The following TAC1 variants were observed in gnomAD, a reference collection of about 807,000 sequenced individuals.
TAC1 encodes the protein protachykinin-1.
A neutral mutation model predicts 21.7 loss-of-function variants in TAC1; 12 were observed. The observed-to-expected ratio is 0.55, with a 90% CI of 0.35 to 0.89. The LOEUF (loss-of-function observed/expected upper bound fraction) is 0.89. Ranked by LOEUF, TAC1 falls within the 40% of genes least tolerant of loss-of-function variation. The pLI is 0.01. For synonymous variants in TAC1, 52 were observed against 52.0 expected, an observed-to-expected ratio of 1.00 and a Z score of 0.00; for missense variants, 128 against 151.4, an observed-to-expected ratio of 0.85 and a Z score of 0.81.
chr7:97,737,045 C>T (rs1457745311), intron 6 of TAC1, among the ~76,000 whole-genome samples: 1 of 151,910 alleles, frequency 6.6e-6, no homozygotes, highest in Non-Finnish European at 1.5e-5. Context: ...TGCAGGTTTC[C>T]TTCTCTTCAA....
intron 5 of TAC1, among the ~76,000 whole-genome samples, chr7:97,735,126 G>A (rs1042543954): frequency 6.6e-6 from 1 of 152,080 alleles, no homozygotes; most frequent in African/African-American, 2.4e-5. Flanking sequence ...CCTAGGATTA[G>A]AAATCTACCA....
chr7:97,737,394 T>A (rs1789599629), intron 6 of TAC1, among the ~76,000 whole-genome samples: 2 of 151,964 alleles, frequency 1.3e-5, no homozygotes, highest in African/African-American at 4.8e-5. Context: ...AAAATAATTA[T>A]CCTAGTGTTT....
chr7:97,738,218 A>C (rs1218368916), intron 6 of TAC1, among the ~76,000 whole-genome samples: 1 of 151,972 alleles, frequency 6.6e-6, no homozygotes, highest in African/African-American at 2.4e-5. Flanking sequence ...CTTAATCTAT[A>C]GCCCTCTGAT....
intron 6 of TAC1, among the ~76,000 whole-genome samples, chr7:97,738,605 G>A (rs1336314162): frequency 1.3e-5 from 2 of 151,358 alleles, no homozygotes; most frequent in Non-Finnish European, 3.0e-5. Context: ...TGCCTCACAA[G>A]TGCATACTTA....
At position 97,732,816 on chromosome 7, in the gene TAC1, T is replaced by C. The variant is rs1476843023; in HGVS notation, c.123+81T>C. On this transcript the variant is annotated intron_variant, in intron 2 of 6. Coordinates refer to ENST00000319273, the MANE Select transcript of TAC1 (RefSeq NM_003182.3). The surrounding 1 kb of genome is among the most constrained non-coding windows in gnomAD (Gnocchi z 6.2). ...ACCTTCCCACGCAACAGCACCCTAG[T>C]TAACGTGGCACGCACCGCCACCACG... 6.6e-7 allele frequency: 1 copy of C among 1,519,482 alleles called. No homozygotes were observed. The highest frequency in any genetic ancestry group is 1.4e-5 in the African/African-American group (1 of 72,434). The allele number at this position is 1,519,482 out of a possible 1,614,324, so 94.1% of individuals were successfully genotyped here. A position where few individuals can be genotyped will look rare whatever the true frequency, so the allele number is the denominator to read the frequency against.
intron 6 of TAC1, among the ~76,000 whole-genome samples, chr7:97,738,882 C>T (rs1789634593): frequency 1.3e-5 from 2 of 151,756 alleles, no homozygotes; most frequent in Admixed American, 6.6e-5. Flanking sequence ...CTATACCATA[C>T]GTCTAAGTCT....
In TAC1 at chr7:97,732,708, C is replaced by A. The variant is rs754009148; in HGVS notation, c.96C>A (p.Ser32=). The change falls in exon 2 of 7, where the codon TCC becomes TCA. Residue 32 remains serine, a synonymous_variant. Transcript: ENST00000319273. The surrounding 1 kb of genome is among the most constrained non-coding windows in gnomAD (Gnocchi z 6.2). ...IGANDDLNYW[S]DWYDSDQIKE... ...CCAATGATGATCTGAATTACTGGTC[C>A]GACTGGTACGACAGCGACCAGATCA... is the stretch of plus-strand genomic sequence containing the variant. 2 of 1,613,830 alleles carry A rather than the reference C, an allele frequency of 1.2e-6. No homozygotes were observed. The highest frequency in any genetic ancestry group is 3.3e-5 in the Admixed American group (2 of 59,990).
rs1789464872 is a variant in TAC1 at position 97,732,798 on chromosome 7, C to T, written c.123+63C>T. On this transcript the variant is annotated intron_variant, in intron 2 of 6. Coordinates refer to ENST00000319273, the MANE Select transcript of TAC1 (RefSeq NM_003182.3). This position sits in a 1 kb window ranked among gnomAD's most constrained non-coding sequence, Gnocchi z 6.2. ...CTGGGCTCGGGAGCTGTCACCTTCCCACGCAACAGCACCCTAGTTAACGTG... is the reference window on the plus strand; with the variant it reads ...CTGGGCTCGGGAGCTGTCACCTTCCTACGCAACAGCACCCTAGTTAACGTG... 5.7e-6 allele frequency: 9 copies of T among 1,566,928 alleles called. No individual in the cohort carries two copies. Among genetic ancestry groups the T allele is most frequent in the Non-Finnish European group, 7.8e-6 (9 of 1,157,188 alleles).
chr7:97,736,378 T>C (rs1562784971), intron 6 of TAC1, 26 bp downstream of exon 6: 1 of 1,573,512 alleles, frequency 6.4e-7, no homozygotes. Flanking sequence ...TGACTGAAAA[T>C]AGACAGTATC....
intron 6 of TAC1, among the ~76,000 whole-genome samples, chr7:97,739,442 C>T (rs1336082275): frequency 6.6e-6 from 1 of 152,024 alleles, no homozygotes; most frequent in African/African-American, 2.4e-5. Flanking sequence ...AACCTCTTTA[C>T]AAGAACAAAT....
chr7:97,737,391 TTATCCTAG>T (rs1789599424), intron 6 of TAC1, among the ~76,000 whole-genome samples: 1 of 151,964 alleles, frequency 6.6e-6, no homozygotes, highest in Non-Finnish European at 1.5e-5. Flanking sequence ...GGAAAAATAA[TTATCCTAG>T]TGTTTTTTAA....
chr7:97,733,528 G>C (rs1329879938), intron 2 of TAC1, among the ~76,000 whole-genome samples, 195 bp from the exon 3 acceptor site: 2 of 152,142 alleles, frequency 1.3e-5, no homozygotes, highest in Admixed American at 6.5e-5. Context: ...CAGGCTTGCG[G>C]GGGGCGGGAC....
In TAC1 at chr7:97,739,963, G is replaced by A. The variant is rs752481370; in HGVS notation, c.*43G>A. The A allele has an allele frequency of 1.4e-6, 2 of 1,394,888 alleles. No homozygotes were observed. The highest frequency in any genetic ancestry group is 2.9e-5 in the African/African-American group (2 of 69,334). 86.4% of individuals were successfully genotyped at this position (1,394,888 alleles called of 1,614,324 possible). On this transcript the variant is annotated 3_prime_UTR_variant, in exon 7 of 7. Coordinates refer to ENST00000319273, the MANE Select transcript of TAC1 (RefSeq NM_003182.3). Reference sequence around the variant, plus strand: ...TTTATTCAGCTTCATTTGTGTCAATGGGCAATGACAGGTAAATTAAGACAT... The same window carrying A: ...TTTATTCAGCTTCATTTGTGTCAATAGGCAATGACAGGTAAATTAAGACAT...
At position 97,732,890 on chromosome 7, in the gene TAC1, C is replaced by A; in HGVS notation, c.123+155C>A. The A allele has an allele frequency of 9.7e-7, 1 of 1,029,322 alleles. No individual in the cohort carries two copies. The highest frequency in any genetic ancestry group is 1.4e-6 in the Non-Finnish European group (1 of 728,668). The allele number at this position is 1,029,322 out of a possible 1,614,324, so 63.8% of individuals were successfully genotyped here. A position where few individuals can be genotyped will look rare whatever the true frequency, so the allele number is the denominator to read the frequency against. ...AGAGGATGGAAAGGGGCACTATTTC[C>A]CGGGTTCCCCACGGGATTTTGTGCC... On this transcript the variant is annotated intron_variant, in intron 2 of 6. Coordinates refer to ENST00000319273, the MANE Select transcript of TAC1 (RefSeq NM_003182.3). The surrounding 1 kb of genome is among the most constrained non-coding windows in gnomAD (Gnocchi z 6.2).
chr7:97,733,772 G>A lies in TAC1; in HGVS notation c.173G>A (p.Arg58Lys). 1 of 1,614,168 alleles carries A rather than the reference G, an allele frequency of 6.2e-7. No individual in the cohort carries two copies. The highest frequency in any genetic ancestry group is 8.5e-7 in the Non-Finnish European group (1 of 1,180,032). The change falls in exon 3 of 7, where the codon AGA (arginine) becomes AAA (lysine). Residue 58 changes from arginine to lysine, a missense_variant. Arg to Lys is a conservative substitution (Grantham distance 26). Coordinates refer to ENST00000319273, the MANE Select transcript of TAC1 (RefSeq NM_003182.3). ...FEHLLQRIAR[R>K]PKPQQFFGLM... ...CATCTTCTGCAGAGAATCGCCCGGAGACCCAAGCCTCAGCAGTTCTTTGGA... is the reference window on the plus strand; with the variant it reads ...CATCTTCTGCAGAGAATCGCCCGGAAACCCAAGCCTCAGCAGTTCTTTGGA...
chr7:97,734,688 G>T, intron 4 of TAC1, 138 bp from the exon 5 acceptor site: 2 of 678,570 alleles, frequency 2.9e-6, no homozygotes, highest in Non-Finnish European at 5.0e-6. Context: ...AGCATTTATG[G>T]TTCTGCTTTA....
Position 97,732,925 on chromosome 7 carries a change from A to T in TAC1, c.123+190A>T. 3 of 775,572 alleles carry T rather than the reference A, an allele frequency of 3.9e-6. No individual in the cohort carries two copies. 48.0% of individuals were successfully genotyped at this position (775,572 alleles called of 1,614,324 possible). A position where few individuals can be genotyped will look rare whatever the true frequency, so the allele number is the denominator to read the frequency against. On this transcript the variant is annotated intron_variant, in intron 2 of 6. Transcript: ENST00000319273. This position sits in a 1 kb window ranked among gnomAD's most constrained non-coding sequence, Gnocchi z 6.2. ...CACGGGATTTTGTGCCCACGATTCA[A>T]GTTTCTTCCCGAGGGCTGCACCGTC...
Position 97,733,754 on chromosome 7 carries a change from T to G in TAC1, c.155T>G (p.Leu52Arg), listed in dbSNP as rs528839463. The change falls in exon 3 of 7, where the codon CTG becomes CGG. Residue 52 changes from leucine to arginine, a missense_variant. Transcript: ENST00000319273. The part of the protein sequence containing the change: ...EELPEPFEHL[L>R]QRIARRPKPQ... ...CTGCCGGAGCCCTTTGAGCATCTTC[T>G]GCAGAGAATCGCCCGGAGACCCAAG... 3 of 1,614,158 alleles carry G rather than the reference T, an allele frequency of 1.9e-6. No individual in the cohort carries two copies. The highest frequency in any genetic ancestry group is 1.1e-5 in the South Asian group (1 of 91,086).
At chr7:97,733,852 G>A (rs1194989151) in intron 3 of TAC1, 33 bp downstream of exon 3, 1 of 1,603,898 alleles carries the variant, frequency 6.2e-7, no homozygotes, top group African/African-American at 1.3e-5. Flanking sequence ...GGTGTCTTGG[G>A]CAGCCCGCCC....
Sources: gnomAD v4.1 joint callset for allele counts (sites outside exome capture counted in the v4.1 genomes callset) on GRCh38, gnomAD v4.1.1 for gene constraint, Gnocchi (gnomAD v3.1) non-coding constraint, MANE v1.5 for transcripts, NCBI Gene and HGNC (gene_info 2026-07-23, HGNC 2026-07-21) for gene names.